Variants in CREB3L2 observed in about 807,000 individuals in gnomAD.
CREB3L2 encodes cAMP responsive element binding protein 3 like 2.
A neutral mutation model predicts 57.2 loss-of-function variants in CREB3L2; 23 were observed. That is an observed-to-expected ratio of 0.40 (90% CI 0.29 to 0.57). The LOEUF is 0.57. Ranked by LOEUF, CREB3L2 falls within the 20% of genes least tolerant of loss-of-function variation. The pLI, the probability that CREB3L2 is intolerant of heterozygous loss-of-function variation, is 0.42. For synonymous variants in CREB3L2, 268 were observed against 265.1 expected (o/e 1.01, Z -0.11); for missense variants, 628 against 634.7 (o/e 0.99, Z 0.11).
At chr7:137,891,011 C>A (rs912455968) in intron 8 of CREB3L2, among the ~76,000 whole-genome samples, 3 of 152,146 alleles carry the variant, frequency 2.0e-5, no homozygotes, top group African/African-American at 7.2e-5. Flanking sequence ...TTAATGAATT[C>A]TTGGGCTTCC....
chr7:137,928,061 C>T (rs1460348936), intron 2 of CREB3L2, 89 bp downstream of exon 2: 7 of 1,009,006 alleles, frequency 6.9e-6, no homozygotes, highest in Non-Finnish European at 7.5e-6. Flanking sequence ...GGTGCTGACA[C>T]CCTCTTTAAT....
intron 1 of CREB3L2, among the ~76,000 whole-genome samples, chr7:137,939,410 T>C (rs1800845631): frequency 6.6e-6 from 1 of 152,144 alleles, no homozygotes; most frequent in Non-Finnish European, 1.5e-5. Context: ...CAAAAATGCT[T>C]TTTGAATTGT....
At chr7:137,995,749 A>G (rs191085437) in intron 1 of CREB3L2, among the ~76,000 whole-genome samples, 1 of 152,218 alleles carries the variant, frequency 6.6e-6, no homozygotes, top group Non-Finnish European at 1.5e-5. Flanking sequence ...TCAATTATTA[A>G]TCTAGATGCT....
chr7:137,983,985 G>T (rs1938050647), intron 1 of CREB3L2, among the ~76,000 whole-genome samples: 1 of 152,188 alleles, frequency 6.6e-6, no homozygotes, highest in Non-Finnish European at 1.5e-5. Flanking sequence ...TCACATTCCA[G>T]GCACAGTTTG....
Position 137,877,986 on chromosome 7 carries a change from T to C in CREB3L2, c.*2490A>G, listed in dbSNP as rs942235010. On this transcript the variant is annotated 3_prime_UTR_variant, in exon 12 of 12. Coordinates refer to ENST00000330387, the MANE Select transcript of CREB3L2 (RefSeq NM_194071.4). The stretch of plus-strand genomic sequence containing the variant: ...GCAAGGAGTGGAGGGCAGAGGTTTA[T>C]CTAAAAGAGCAGTGATGTTGGTTCT... 3 of 227,854 alleles carry C rather than the reference T, an allele frequency of 1.3e-5. No individual in the cohort carries two copies. Among genetic ancestry groups the C allele is most frequent in the African/African-American group, 6.7e-5 (3 of 44,984 alleles). 14.1% of individuals were successfully genotyped at this position (227,854 alleles called of 1,614,324 possible).
chr7:137,979,241 C>A (rs2117312302), intron 1 of CREB3L2, among the ~76,000 whole-genome samples: 1 of 152,284 alleles, frequency 6.6e-6, no homozygotes, highest in African/African-American at 2.4e-5. Context: ...TTGATCACAG[C>A]TCTAGCATAT....
Position 138,001,494 on chromosome 7 carries a change from A to AAGTCAGAATCCCAAGTCC in CREB3L2, c.102+109_102+110insGGACTTGGGATTCTGACT, listed in dbSNP as rs1246877321. 2.6e-5 allele frequency: 19 copies of AAGTCAGAATCCCAAGTCC among 737,666 alleles called. No individual in the cohort carries two copies. The African/African-American group carries it at 3.3e-4, about 13-fold the overall frequency. 45.7% of individuals were successfully genotyped at this position (737,666 alleles called of 1,614,324 possible). On this transcript the variant is annotated intron_variant, in intron 1 of 11. Transcript: ENST00000330387. The surrounding 1 kb of genome is among the most constrained non-coding windows in gnomAD (Gnocchi z 4.2). ...CGCCCAGGACCTCTTGATTCTGACCATGCCCTGCCCCAAACCCTGCCTTCC... is the reference window on the plus strand; with the variant it reads ...CGCCCAGGACCTCTTGATTCTGACCAAGTCAGAATCCCAAGTCCTGCCCTGCCCCAAACCCTGCCTTCC...
intron 1 of CREB3L2, among the ~76,000 whole-genome samples, chr7:137,975,459 TTC>T (rs1205295613): frequency 6.6e-6 from 1 of 152,168 alleles, no homozygotes; most frequent in Non-Finnish European, 1.5e-5. Flanking sequence ...CTCTCGCCCC[TTC>T]TCTCTTTTTT....
At chr7:137,942,900 C>T (rs273992) in intron 1 of CREB3L2, among the ~76,000 whole-genome samples, 83,407 of 151,954 alleles carry the variant, frequency 0.55, 23,617 homozygotes, top group East Asian at 0.81. Flanking sequence ...AAGCCAATGG[C>T]ATCAGAAAGT....
chr7:137,927,958 T>G (rs562804889), intron 2 of CREB3L2, among the ~76,000 whole-genome samples, 192 bp downstream of exon 2: 13 of 152,286 alleles, frequency 8.5e-5, no homozygotes, highest in African/African-American at 2.9e-4. Flanking sequence ...CAAGGGAACC[T>G]GGGCAGTGTA....
intron 1 of CREB3L2, among the ~76,000 whole-genome samples, chr7:137,935,449 T>C (rs1419668846): frequency 6.6e-6 from 1 of 152,226 alleles, no homozygotes; most frequent in Non-Finnish European, 1.5e-5. Flanking sequence ...AGATACACCT[T>C]GAATTGATCT....
intron 1 of CREB3L2, among the ~76,000 whole-genome samples, chr7:137,998,263 A>T (rs1008799428): frequency 6.6e-6 from 1 of 152,256 alleles, no homozygotes; most frequent in Non-Finnish European, 1.5e-5. Flanking sequence ...AGCCTTGGGT[A>T]ACTTGAACAT....
At chr7:137,988,467 A>G (rs1391798942) in intron 1 of CREB3L2, among the ~76,000 whole-genome samples, 1 of 152,228 alleles carries the variant, frequency 6.6e-6, no homozygotes, top group Non-Finnish European at 1.5e-5. Flanking sequence ...AAATGGAACC[A>G]ATTAGGGCTT....
At chr7:137,892,461 G>A (rs755469355) in intron 8 of CREB3L2, among the ~76,000 whole-genome samples, 21 of 151,996 alleles carry the variant, frequency 1.4e-4, no homozygotes, top group Non-Finnish European at 2.2e-4. Context: ...GACCAGCCTG[G>A]CCAACATGGC....
chr7:137,876,908 T>C lies in CREB3L2; in HGVS notation c.*3568A>G, dbSNP rs970389897. 1.3e-5 allele frequency: 3 copies of C among 232,328 alleles called. No individual in the cohort carries two copies. Among genetic ancestry groups the C allele is most frequent in the Non-Finnish European group, 2.6e-5 (3 of 117,548 alleles). 14.4% of individuals were successfully genotyped at this position (232,328 alleles called of 1,614,324 possible). On this transcript the variant is annotated 3_prime_UTR_variant, in exon 12 of 12. Transcript: ENST00000330387. The stretch of plus-strand genomic sequence containing the variant: ...GGCCATTATTCAACTGGGGGTGGGA[T>C]GTCTCCATTTCTGGACTGTGCTCAA...
In CREB3L2 at chr7:137,901,356, A is replaced by T; in HGVS notation, c.1041T>A (p.Asn347Lys). ...RKKVEVLENTNRTLLQQLQKL... is the reference protein window; with the variant it reads ...RKKVEVLENTKRTLLQQLQKL... ...GCTCTCAGTCCAGTGACACTTACCT[A>T]TTAGTGTTCTCTAGAACCTCTACCT... Residue 347 changes from asparagine (N) to lysine (K), a missense_variant and splice_region_variant, in exon 8 of 12, where the codon AAT becomes AAA. This residue lies in a region of CREB3L2 where 272 missense variants were observed against 242.7 expected (regional missense o/e 1.12). Transcript: ENST00000330387. 3.8e-6 allele frequency: 6 copies of T among 1,566,658 alleles called. No homozygotes were observed. Among genetic ancestry groups the T allele is most frequent in the Non-Finnish European group, 5.3e-6 (6 of 1,137,440 alleles).
chr7:137,951,449 C>T (rs1170821185), intron 1 of CREB3L2, among the ~76,000 whole-genome samples: 3 of 152,190 alleles, frequency 2.0e-5, no homozygotes, highest in African/African-American at 7.2e-5. Flanking sequence ...TGTAATCAGA[C>T]ACCCGCAAGA....
chr7:137,973,891 G>T (rs892359875), intron 1 of CREB3L2, among the ~76,000 whole-genome samples: 1 of 152,144 alleles, frequency 6.6e-6, no homozygotes, highest in African/African-American at 2.4e-5. Context: ...GGCATTGCAT[G>T]TTCTGGGGAG....
chr7:137,926,936 C>T (rs1173434117), intron 2 of CREB3L2, among the ~76,000 whole-genome samples: 1 of 152,080 alleles, frequency 6.6e-6, no homozygotes, highest in Non-Finnish European at 1.5e-5. Context: ...ACCACTTCAG[C>T]CCAGGAGTTC....
Sources: gnomAD v4.1 joint callset for allele counts (sites outside exome capture counted in the v4.1 genomes callset) on GRCh38, gnomAD v4.1.1 for gene constraint, gnomAD v4.1.1 regional missense constraint, Gnocchi (gnomAD v3.1) non-coding constraint, MANE v1.5 for transcripts, NCBI Gene and HGNC (gene_info 2026-07-23, HGNC 2026-07-21) for gene names.